Variants in ATXN1 observed in about 807,000 individuals in gnomAD.
ATXN1 encodes ataxin 1, also known as ataxin-1.
Under a neutral mutation model 56.4 loss-of-function variants are expected in ATXN1, and 8 were observed. That is an observed-to-expected ratio of 0.14 (90% CI 0.08 to 0.26). The LOEUF (loss-of-function observed/expected upper bound fraction) is 0.26. ATXN1 is among the 10% of genes least tolerant of loss of function. The probability of loss-of-function intolerance (pLI) is 1.00; values close to 1 mark genes in which losing one functional copy is unlikely to be tolerated. For synonymous variants in ATXN1, 514 were observed against 494.6 expected (o/e 1.04, Z -0.52); for missense variants, 987 against 1,106.5 (o/e 0.89, Z 1.53).
At chr6:16,522,565 T>C (rs1761313859) in intron 5 of ATXN1, 62 bp downstream of exon 5, 1 of 152,070 alleles carries the variant, frequency 6.6e-6, no homozygotes, top group Non-Finnish European at 1.5e-5. Context: ...TGGTGCATCA[T>C]AGTAATTGGA....
chr6:16,370,058 G>A (rs1444112465), intron 6 of ATXN1, among the ~76,000 whole-genome samples: 4 of 152,088 alleles, frequency 2.6e-5, no homozygotes, highest in African/African-American at 4.8e-5. Context: ...TAATAATGTG[G>A]TGACTGTCGT....
intron 3 of ATXN1, among the ~76,000 whole-genome samples, chr6:16,652,540 C>T (rs975385028): frequency 6.6e-6 from 1 of 152,142 alleles, no homozygotes; most frequent in African/African-American, 2.4e-5. Context: ...TGCTAAAATC[C>T]TGTACTCTAT....
intron 6 of ATXN1, among the ~76,000 whole-genome samples, chr6:16,458,247 G>T (rs1759919697): frequency 6.6e-6 from 1 of 152,170 alleles, no homozygotes; most frequent in African/African-American, 2.4e-5. Flanking sequence ...CATGGGAACT[G>T]GAGTCGCAAA....
At chr6:16,548,865 G>A (rs1391475114) in intron 4 of ATXN1, among the ~76,000 whole-genome samples, 1 of 152,224 alleles carries the variant, frequency 6.6e-6, no homozygotes, top group Non-Finnish European at 1.5e-5. Context: ...AGAGGTTGCA[G>A]TGAGCAGAGA....
At chr6:16,480,154 C>CAAAAAAAAAAAAAAA (rs60209783) in intron 6 of ATXN1, among the ~76,000 whole-genome samples, 2 of 79,108 alleles carry the variant, frequency 2.5e-5, no homozygotes, top group Non-Finnish European at 5.0e-5. Context: ...ACTTCATCTG[C>CAAAAAAAAAAAAAAA]AAAAAAAAAA....
chr6:16,401,160 G>A (rs1348725764), intron 6 of ATXN1, among the ~76,000 whole-genome samples: 1 of 152,172 alleles, frequency 6.6e-6, no homozygotes, highest in Non-Finnish European at 1.5e-5. Context: ...GGCTTTCCAG[G>A]TCTACATGGG....
At chr6:16,581,166 G>A (rs1762520224) in intron 4 of ATXN1, among the ~76,000 whole-genome samples, 1 of 151,534 alleles carries the variant, frequency 6.6e-6, no homozygotes, top group South Asian at 2.1e-4. Flanking sequence ...GGTGCCTGAA[G>A]GGGAAAAGAC....
chr6:16,755,790 A>G (rs1312861006), intron 1 of ATXN1, among the ~76,000 whole-genome samples: 2 of 151,908 alleles, frequency 1.3e-5, no homozygotes, highest in Non-Finnish European at 2.9e-5. Flanking sequence ...TGCCCTCTTG[A>G]GTCTCAAATT....
chr6:16,633,337 T>C (rs191196784), intron 3 of ATXN1, among the ~76,000 whole-genome samples: 4 of 152,324 alleles, frequency 2.6e-5, no homozygotes, highest in African/African-American at 7.2e-5. Flanking sequence ...AAGTCACCCA[T>C]TGACAAGCCT....
chr6:16,641,572 T>G (rs1763706671), intron 3 of ATXN1, among the ~76,000 whole-genome samples: 1 of 152,218 alleles, frequency 6.6e-6, no homozygotes, highest in South Asian at 2.1e-4. Context: ...AAGATTCCTT[T>G]CAAAATATTA....
chr6:16,700,342 AT>A (rs1297518699), intron 2 of ATXN1, among the ~76,000 whole-genome samples: 1 of 151,992 alleles, frequency 6.6e-6, no homozygotes, highest in Non-Finnish European at 1.5e-5. Context: ...ACAGTCCCTG[AT>A]TTGCCTCTGC....
intron 6 of ATXN1, among the ~76,000 whole-genome samples, chr6:16,482,489 C>A (rs2137875): frequency 3.3e-5 from 5 of 151,922 alleles, no homozygotes; most frequent in Non-Finnish European, 7.4e-5. Flanking sequence ...TCAGGGAAGG[C>A]TGCTTTGATA....
intron 2 of ATXN1, among the ~76,000 whole-genome samples, chr6:16,693,626 A>G (rs1355402871): frequency 6.6e-6 from 1 of 152,172 alleles, no homozygotes. Flanking sequence ...ACAGAACTCT[A>G]TTAACTACCT....
chr6:16,698,797 C>T (rs1759220806), intron 2 of ATXN1, among the ~76,000 whole-genome samples: 1 of 152,186 alleles, frequency 6.6e-6, no homozygotes, highest in Admixed American at 6.5e-5. Flanking sequence ...GTCATTTAAC[C>T]GCACTAAGCC....
intron 2 of ATXN1, among the ~76,000 whole-genome samples, chr6:16,730,492 T>TATATATAC (rs1329216875): frequency 1.4e-5 from 2 of 146,796 alleles, no homozygotes; most frequent in Non-Finnish European, 3.0e-5. Context: ...AGTATGTATA[T>TATATATAC]ATATATATAT....
chr6:16,383,750 A>G (rs1282164666), intron 6 of ATXN1, among the ~76,000 whole-genome samples: 1 of 152,214 alleles, frequency 6.6e-6, no homozygotes, highest in Non-Finnish European at 1.5e-5. Context: ...TTACTTTGAC[A>G]TGGGGCACTC....
intron 5 of ATXN1, among the ~76,000 whole-genome samples, chr6:16,491,090 A>ATTTTTT (rs35884389): frequency 2.8e-4 from 22 of 78,314 alleles, no homozygotes; most frequent in Admixed American, 4.0e-4. Flanking sequence ...GGATCCCTGG[A>ATTTTTT]TTTTTTTTTT....
At chr6:16,487,935 G>C (rs1411110172) in intron 5 of ATXN1, among the ~76,000 whole-genome samples, 1 of 152,134 alleles carries the variant, frequency 6.6e-6, no homozygotes, top group African/African-American at 2.4e-5. Context: ...TATACGAACT[G>C]ATCTAGTGAT....
chr6:16,530,120 A>T (rs1301878767), intron 4 of ATXN1, among the ~76,000 whole-genome samples: 1 of 152,236 alleles, frequency 6.6e-6, no homozygotes, highest in African/African-American at 2.4e-5. Flanking sequence ...ATTAAAACAT[A>T]TAAATATAAA....
Sources: gnomAD v4.1 joint callset for allele counts (sites outside exome capture counted in the v4.1 genomes callset) on GRCh38, gnomAD v4.1.1 for gene constraint, MANE v1.5 for transcripts, NCBI Gene and HGNC (gene_info 2026-07-23, HGNC 2026-07-21) for gene names.